Variants in LCLAT1 observed in about 807,000 individuals in gnomAD.
LCLAT1 encodes the protein lysocardiolipin acyltransferase 1.
Under a neutral mutation model 30.7 loss-of-function variants are expected in LCLAT1, and 11 were observed. The ratio of observed to expected loss-of-function variants is 0.36; its 90% CI spans 0.23 to 0.59. The LOEUF is 0.59. LCLAT1 is among the 20% of genes least tolerant of loss of function. The probability of loss-of-function intolerance (pLI) is 0.77; values close to 1 mark genes in which losing one functional copy is unlikely to be tolerated. For missense variants in LCLAT1, 402 were observed against 458.6 expected (o/e 0.88, Z 1.13); for synonymous variants, 155 against 151.3 (o/e 1.02, Z -0.18).
chr2:30,466,754 C>A (rs916186210), intron 1 of LCLAT1, among the ~76,000 whole-genome samples: 1 of 152,042 alleles, frequency 6.6e-6, no homozygotes, highest in Non-Finnish European at 1.5e-5. Context: ...AAGCTCCCCA[C>A]CCCCTGGTAA....
At chr2:30,468,398 C>T (rs1000367345) in intron 1 of LCLAT1, among the ~76,000 whole-genome samples, 2 of 152,060 alleles carry the variant, frequency 1.3e-5, no homozygotes, top group African/African-American at 4.8e-5. Context: ...CAGCTTTGTT[C>T]TTTTGGCTTA....
chr2:30,499,780 A>T (rs759851563), intron 1 of LCLAT1, among the ~76,000 whole-genome samples: 1 of 152,206 alleles, frequency 6.6e-6, no homozygotes, highest in Non-Finnish European at 1.5e-5. Flanking sequence ...GCAAGTACCA[A>T]TTGCCTTTCT....
chr2:30,538,514 AAT>A lies in LCLAT1; in HGVS notation c.364+5201_364+5202del, dbSNP rs568495332. ...AAATTAGGTGATGGTGGGCACCTGT[AAT>A]CCCAGCTCCTTGGGAGGCTGAGGCA... On this transcript the variant is annotated intron_variant, in intron 3 of 5. Transcript: ENST00000379509. Among the ~76,000 whole-genome samples, 111 of 152,176 alleles carry A rather than the reference AAT, an allele frequency of 7.3e-4. 1 individual carries two copies. The highest frequency in any genetic ancestry group is 1.4e-3 in the Non-Finnish European group (94 of 67,990).
At chr2:30,463,286 T>C (rs1239082554) in intron 1 of LCLAT1, among the ~76,000 whole-genome samples, 2 of 152,190 alleles carry the variant, frequency 1.3e-5, no homozygotes, top group Non-Finnish European at 2.9e-5. Flanking sequence ...TTTTTCACTT[T>C]ATATTATTAG....
chr2:30,616,346 C>A (rs548621377), intron 5 of LCLAT1, among the ~76,000 whole-genome samples: 1 of 152,226 alleles, frequency 6.6e-6, no homozygotes, highest in East Asian at 1.9e-4. Context: ...GCCATACTGT[C>A]ATTGTAATAT....
At chr2:30,476,586 T>C in intron 1 of LCLAT1, 1 of 451,434 alleles carries the variant, frequency 2.2e-6, no homozygotes, top group Non-Finnish European at 4.4e-6. Flanking sequence ...GATAGGACCA[T>C]CTAGTCTCAG....
At chr2:30,550,291 G>T (rs1478793642) in intron 3 of LCLAT1, among the ~76,000 whole-genome samples, 1 of 152,154 alleles carries the variant, frequency 6.6e-6, no homozygotes, top group Non-Finnish European at 1.5e-5. Context: ...GTTGAAACAA[G>T]AGGTTAATTT....
intron 1 of LCLAT1, among the ~76,000 whole-genome samples, chr2:30,467,833 G>A (rs1440529689): frequency 5.3e-5 from 8 of 152,108 alleles, no homozygotes; most frequent in African/African-American, 1.4e-4. Context: ...TAGATTCTGG[G>A]TATTAGCCCT....
At chr2:30,586,241 CAAAAA>C (rs148993331) in intron 5 of LCLAT1, among the ~76,000 whole-genome samples, 1 of 77,776 alleles carries the variant, frequency 1.3e-5, no homozygotes, top group African/African-American at 4.4e-5. Flanking sequence ...GACTCCGTCT[CAAAAA>C]AAAAAAAAAA....
chr2:30,485,203 C>T (rs532304249), intron 1 of LCLAT1, among the ~76,000 whole-genome samples: 139 of 152,216 alleles, frequency 9.1e-4, no homozygotes, highest in Non-Finnish European at 1.5e-3. Context: ...CAGATGTTTT[C>T]CATGCATGGT....
At chr2:30,608,896 C>T (rs1439952951) in intron 5 of LCLAT1, among the ~76,000 whole-genome samples, 7 of 152,162 alleles carry the variant, frequency 4.6e-5, no homozygotes, top group Non-Finnish European at 8.8e-5. Flanking sequence ...AATTATACTA[C>T]ATAATAGATA....
intron 2 of LCLAT1, among the ~76,000 whole-genome samples, chr2:30,529,833 G>T (rs1165783721): frequency 1.3e-5 from 2 of 152,190 alleles, no homozygotes; most frequent in African/African-American, 4.8e-5. Context: ...AAAGCCTCAA[G>T]TAGCTAGGGA....
intron 5 of LCLAT1, among the ~76,000 whole-genome samples, chr2:30,575,410 G>A (rs1032531516): frequency 2.0e-5 from 3 of 152,070 alleles, no homozygotes; most frequent in East Asian, 1.9e-4. Flanking sequence ...TTTTAAAGAT[G>A]ACCTAATTTT....
chr2:30,470,254 A>G (rs971004783), intron 1 of LCLAT1, among the ~76,000 whole-genome samples: 2 of 152,166 alleles, frequency 1.3e-5, no homozygotes, highest in African/African-American at 4.8e-5. Context: ...TATTGGGGTA[A>G]TCGGGGAAGT....
At chr2:30,504,971 C>G (rs560043944) in intron 1 of LCLAT1, among the ~76,000 whole-genome samples, 2 of 152,080 alleles carry the variant, frequency 1.3e-5, no homozygotes, top group Non-Finnish European at 1.5e-5. Flanking sequence ...TGCATTTTCT[C>G]TTAGCAATAC....
chr2:30,560,818 T>C (rs1572627158), intron 3 of LCLAT1, among the ~76,000 whole-genome samples: 1 of 152,168 alleles, frequency 6.6e-6, no homozygotes, highest in Non-Finnish European at 1.5e-5. Flanking sequence ...GGAAGAGAGG[T>C]GGATTCTCAT....
chr2:30,590,448 G>T (rs976162611), intron 5 of LCLAT1, among the ~76,000 whole-genome samples: 1 of 150,070 alleles, frequency 6.7e-6, no homozygotes, highest in African/African-American at 2.4e-5. Context: ...AGGAATAAAA[G>T]ATTTTATTTA....
intron 1 of LCLAT1, among the ~76,000 whole-genome samples, chr2:30,452,247 T>C (rs1386716661): frequency 5.9e-5 from 9 of 152,056 alleles, no homozygotes. Context: ...AAAAAGAGGC[T>C]CTAGTGAGAA....
At chr2:30,576,728 A>G (rs1033282216) in intron 5 of LCLAT1, among the ~76,000 whole-genome samples, 1 of 151,954 alleles carries the variant, frequency 6.6e-6, no homozygotes, top group Middle Eastern at 3.4e-3. Flanking sequence ...TTTCTTCTTT[A>G]TTGTTGACAT....
Sources: allele counts gnomAD v4.1 joint callset (sites outside exome capture counted in the v4.1 genomes callset), GRCh38; gene constraint gnomAD v4.1.1; transcripts MANE v1.5; gene names NCBI Gene and HGNC (gene_info 2026-07-23, HGNC 2026-07-21).